Variants in CAMK2D observed in about 807,000 individuals in gnomAD.
CAMK2D encodes the protein calcium/calmodulin-dependent protein kinase type II subunit delta.
Under a neutral mutation model 84.0 loss-of-function variants are expected in CAMK2D, and 37 were observed. That is an observed-to-expected ratio of 0.44 (90% CI 0.34 to 0.58). The LOEUF (loss-of-function observed/expected upper bound fraction) is 0.58, where lower values mean the gene tolerates loss of function less well. Ranked by LOEUF, CAMK2D falls within the 20% of genes least tolerant of loss-of-function variation. The pLI is 0.02. For synonymous variants in CAMK2D, 202 were observed against 212.5 expected (o/e 0.95, Z 0.43); for missense variants, 448 against 652.5 (o/e 0.69, Z 3.41).
Position 113,761,426 on chromosome 4 carries a change from G to C in CAMK2D, c.-358C>G, listed in dbSNP as rs2099641167. The C allele has an allele frequency of 9.1e-6, 11 of 1,202,728 alleles. No homozygotes were observed. The African/African-American group carries it at 1.4e-4, about 15-fold the overall frequency. The allele number at this position is 1,202,728 out of a possible 1,614,324, so 74.5% of individuals were successfully genotyped here. On this transcript the variant is annotated 5_prime_UTR_variant, in exon 1 of 21. Transcript: ENST00000511664. ...GGGAAATGGAAAAACAGCCAGGCACGGGACGAGTGGCAAGCAGTTGCGAAA... is the reference window on the plus strand; with the variant it reads ...GGGAAATGGAAAAACAGCCAGGCACCGGACGAGTGGCAAGCAGTTGCGAAA...
intron 7 of CAMK2D, among the ~76,000 whole-genome samples, chr4:113,533,300 C>T (rs552816282): frequency 7.9e-5 from 12 of 152,064 alleles, no homozygotes; most frequent in African/African-American, 2.2e-4. Flanking sequence ...AATGCATGGA[C>T]GTTAGGAAAG....
intron 2 of CAMK2D, among the ~76,000 whole-genome samples, chr4:113,668,088 T>C (rs147708783): frequency 2.7e-4 from 41 of 152,228 alleles, no homozygotes; most frequent in Middle Eastern, 3.4e-3. Context: ...CTGGAAACCA[T>C]GGCTTCCTTG....
chr4:113,522,199 C>A (rs1354174042), intron 8 of CAMK2D, among the ~76,000 whole-genome samples: 1 of 152,098 alleles, frequency 6.6e-6, no homozygotes, highest in East Asian at 1.9e-4. Flanking sequence ...GCTGTTCTTA[C>A]AAAAGGAGAG....
chr4:113,531,672 T>C (rs989315039), intron 7 of CAMK2D, among the ~76,000 whole-genome samples: 2 of 152,144 alleles, frequency 1.3e-5, no homozygotes, highest in African/African-American at 4.8e-5. Context: ...CAGGAGAAGA[T>C]ATAAGTCGAA....
intron 16 of CAMK2D, among the ~76,000 whole-genome samples, chr4:113,497,987 A>G (rs2097965190): frequency 6.6e-6 from 1 of 152,226 alleles, no homozygotes; most frequent in African/African-American, 2.4e-5. Flanking sequence ...TGGAAGACAC[A>G]GTTTTGTAGA....
intron 3 of CAMK2D, among the ~76,000 whole-genome samples, chr4:113,615,324 T>C (rs146587165): frequency 6.6e-6 from 1 of 152,124 alleles, no homozygotes; most frequent in African/African-American, 2.4e-5. Flanking sequence ...TTTTTCAATA[T>C]TACATTAAAA....
intron 4 of CAMK2D, among the ~76,000 whole-genome samples, chr4:113,586,932 A>G (rs1386543656): frequency 6.6e-6 from 1 of 152,220 alleles, no homozygotes; most frequent in African/African-American, 2.4e-5. Flanking sequence ...AAGACTTCAG[A>G]AAGTCTCTTG....
chr4:113,748,773 T>C lies in CAMK2D; in HGVS notation c.160+10547A>G, dbSNP rs147223479. On this transcript the variant is annotated intron_variant, in intron 2 of 20. Coordinates refer to ENST00000511664, the MANE Select transcript of CAMK2D (RefSeq NM_001321571.2). ...CAGTGCTTGTTTGGGGGAAATGAAC[T>C]ACAAATATGTCTTTCCCTCATTCTA... Among the ~76,000 whole-genome samples the C allele has an allele frequency of 7.8e-4, 118 of 152,190 alleles. No individual in the cohort carries two copies. The East Asian group carries it at 0.021, about 27-fold the overall frequency.
chr4:113,476,505 C>T (rs370080189), intron 16 of CAMK2D, among the ~76,000 whole-genome samples: 6 of 152,082 alleles, frequency 3.9e-5, no homozygotes, highest in Admixed American at 2.0e-4. Context: ...ATTTACTTTA[C>T]GGTTTAACTT....
At chr4:113,667,688 T>C (rs571445798) in intron 2 of CAMK2D, among the ~76,000 whole-genome samples, 146 of 152,338 alleles carry the variant, frequency 9.6e-4, no homozygotes, top group African/African-American at 3.3e-3. Context: ...AGGATGTATA[T>C]GAATTTAAAG....
At chr4:113,753,342 A>G (rs17593614) in intron 2 of CAMK2D, among the ~76,000 whole-genome samples, 2,972 of 152,086 alleles carry the variant, frequency 0.02, 126 homozygotes, top group East Asian at 0.17. Flanking sequence ...AGTAATAAAC[A>G]TAGTTCTAAG....
intron 2 of CAMK2D, among the ~76,000 whole-genome samples, chr4:113,752,609 G>A (rs1475549138): frequency 1.3e-5 from 2 of 152,124 alleles, no homozygotes; most frequent in African/African-American, 4.8e-5. Flanking sequence ...TAAGGGCTGA[G>A]TTTTAGTTTG....
rs534431032 is a variant in CAMK2D at position 113,648,181 on chromosome 4, T to C, written c.220+13532A>G. Among the ~76,000 whole-genome samples the C allele has an allele frequency of 2.0e-5, 3 of 152,356 alleles. No homozygotes were observed. The East Asian group carries it at 5.8e-4, about 29-fold the overall frequency. ...GTAAAAAGAAGCCTATACTGCATTT[T>C]TGTACATCTCAAAATATTTTGTTCC... is the stretch of plus-strand genomic sequence containing the variant. On this transcript the variant is annotated intron_variant, in intron 3 of 20. Transcript: ENST00000511664.
chr4:113,741,142 A>G (rs1289262971), intron 2 of CAMK2D, among the ~76,000 whole-genome samples: 2 of 152,136 alleles, frequency 1.3e-5, no homozygotes, highest in African/African-American at 4.8e-5. Flanking sequence ...TAATGGCCCC[A>G]AAGTGCAAGA....
At position 113,474,498 on chromosome 4, in the gene CAMK2D, C is replaced by CTT. The variant is rs70961831; in HGVS notation, c.1136-8896_1136-8895dup. Among the ~76,000 whole-genome samples, 360 of 89,822 alleles carry CTT rather than the reference C, an allele frequency of 4.0e-3. 9 individuals carry two copies. Among genetic ancestry groups the CTT allele is most frequent in the African/African-American group, 0.012 (291 of 23,430 alleles). The allele number at this position is 89,822 out of a possible 152,430, so 58.9% of individuals were successfully genotyped here. On this transcript the variant is annotated intron_variant, in intron 16 of 20. Coordinates refer to ENST00000511664, the MANE Select transcript of CAMK2D (RefSeq NM_001321571.2). ...AAATATTTGGAAAGTCCTTTTTGGC[C>CTT]TTTTTTTTTTTTTTTTTTTTTTTTT...
intron 4 of CAMK2D, among the ~76,000 whole-genome samples, chr4:113,605,189 A>T (rs898324290): frequency 1.3e-5 from 2 of 152,318 alleles, no homozygotes; most frequent in Admixed American, 1.3e-4. Flanking sequence ...GCAGAAACAG[A>T]TCTTACTAAA....
intron 2 of CAMK2D, among the ~76,000 whole-genome samples, chr4:113,717,662 T>A (rs1370975271): frequency 6.6e-6 from 1 of 152,122 alleles, no homozygotes; most frequent in African/African-American, 2.4e-5. Context: ...ATAGCAAAGA[T>A]GGTGGAGAGA....
At chr4:113,516,069 T>C (rs1211176600) in intron 9 of CAMK2D, among the ~76,000 whole-genome samples, 2 of 152,202 alleles carry the variant, frequency 1.3e-5, no homozygotes, top group Non-Finnish European at 2.9e-5. Context: ...ATTCATGAAT[T>C]TGTATGGACA....
intron 6 of CAMK2D, among the ~76,000 whole-genome samples, chr4:113,543,454 C>G (rs886291103): frequency 2.0e-5 from 3 of 150,550 alleles, no homozygotes; most frequent in Non-Finnish European, 4.4e-5. Flanking sequence ...CTCCTGGCCT[C>G]AAGCAATCCT....
Sources: gnomAD v4.1 joint callset for allele counts (sites outside exome capture counted in the v4.1 genomes callset) on GRCh38, gnomAD v4.1.1 for gene constraint, MANE v1.5 for transcripts, NCBI Gene and HGNC (gene_info 2026-07-23, HGNC 2026-07-21) for gene names.